LRMDA: variants seen among roughly 807,000 people sequenced by gnomAD.
LRMDA encodes leucine rich melanocyte differentiation associated.
LRMDA carries 18 observed loss-of-function variants against 29.8 expected under a neutral mutation model. The ratio of observed to expected loss-of-function variants is 0.60; its 90% CI spans 0.42 to 0.90. LRMDA has a LOEUF of 0.90. LRMDA is among the 40% of genes least tolerant of loss of function. LRMDA has a pLI of 0.00. For synonymous variants in LRMDA, 125 were observed against 109.4 expected (o/e 1.14, Z -0.89); for missense variants, 273 against 273.9 (o/e 1.00, Z 0.02).
intron 5 of LRMDA, among the ~76,000 whole-genome samples, chr10:76,173,000 T>C (rs1589362986): frequency 6.6e-6 from 1 of 152,082 alleles, no homozygotes; most frequent in East Asian, 1.9e-4. Flanking sequence ...AAATAGCTAT[T>C]ATAACTCTAT....
At chr10:75,470,507 AG>A (rs1466502608) in intron 2 of LRMDA, among the ~76,000 whole-genome samples, 1 of 152,204 alleles carries the variant, frequency 6.6e-6, no homozygotes, top group African/African-American at 2.4e-5. Flanking sequence ...AAGAAAACAA[AG>A]ACCCGTAAAG....
intron 5 of LRMDA, among the ~76,000 whole-genome samples, chr10:76,217,207 T>C (rs1183521396): frequency 6.6e-6 from 1 of 152,206 alleles, no homozygotes; most frequent in East Asian, 1.9e-4. Context: ...AATAATATTT[T>C]TCCATCTTCC....
chr10:76,339,649 AAAGT>A (rs1841012711), intron 6 of LRMDA, among the ~76,000 whole-genome samples: 1 of 152,058 alleles, frequency 6.6e-6, no homozygotes, highest in Non-Finnish European at 1.5e-5. Context: ...CTAGCAGATC[AAAGT>A]AAGAAAAAAT....
intron 2 of LRMDA, among the ~76,000 whole-genome samples, chr10:75,798,734 A>G (rs191094835): frequency 3.4e-4 from 51 of 152,194 alleles, no homozygotes; most frequent in African/African-American, 8.9e-4. Flanking sequence ...ATGTTTTAGA[A>G]GTGTATAGTT....
chr10:75,883,941 G>A (rs1037769761), intron 2 of LRMDA, among the ~76,000 whole-genome samples: 1 of 151,826 alleles, frequency 6.6e-6, no homozygotes, highest in Non-Finnish European at 1.5e-5. Context: ...GCAAAGCCCT[G>A]TCCTCATCAA....
chr10:75,434,200 G>C (rs142358035), intron 1 of LRMDA, among the ~76,000 whole-genome samples: 12 of 152,304 alleles, frequency 7.9e-5, no homozygotes, highest in African/African-American at 2.9e-4. Flanking sequence ...AGAGATATTG[G>C]AATAATGAAT....
intron 2 of LRMDA, among the ~76,000 whole-genome samples, chr10:75,459,991 G>A (rs562395230): frequency 1.1e-4 from 16 of 152,258 alleles, no homozygotes; most frequent in African/African-American, 3.9e-4. Context: ...TGAACTTTGG[G>A]GAACACATTC....
At chr10:76,471,079 T>C (rs1842612925) in intron 6 of LRMDA, among the ~76,000 whole-genome samples, 1 of 151,820 alleles carries the variant, frequency 6.6e-6, no homozygotes, top group Admixed American at 6.6e-5. Context: ...AAACCTGTAT[T>C]GGTGTAAGGA....
chr10:76,206,389 G>A (rs10824384), intron 5 of LRMDA, among the ~76,000 whole-genome samples: 38,271 of 152,032 alleles, frequency 0.25, 5,439 homozygotes, highest in East Asian at 0.6. Context: ...GTAGGATTAG[G>A]TACTGTACCT....
At chr10:75,782,799 TC>T (rs1843406131) in intron 2 of LRMDA, 3 of 1,424,996 alleles carry the variant, frequency 2.1e-6, no homozygotes, top group Non-Finnish European at 2.7e-6. Flanking sequence ...CCCGCAACTT[TC>T]ACTTGTTGAG....
At chr10:76,103,173 A>G (rs1849423949) in intron 5 of LRMDA, among the ~76,000 whole-genome samples, 1 of 152,222 alleles carries the variant, frequency 6.6e-6, no homozygotes, top group Non-Finnish European at 1.5e-5. Context: ...AGTTTCATGT[A>G]GGAACCTTTG....
At chr10:75,565,581 G>A (rs967615867) in intron 2 of LRMDA, among the ~76,000 whole-genome samples, 5 of 150,980 alleles carry the variant, frequency 3.3e-5, no homozygotes, top group Admixed American at 1.3e-4. Flanking sequence ...TGAAGTATGC[G>A]AGAGAACTGC....
chr10:75,574,463 A>G (rs1373553223), intron 2 of LRMDA, among the ~76,000 whole-genome samples: 1 of 152,166 alleles, frequency 6.6e-6, no homozygotes, highest in Non-Finnish European at 1.5e-5. Context: ...CAGTGGAATG[A>G]TCTCATTTCT....
At chr10:76,071,070 C>T (rs1279978080) in intron 5 of LRMDA, among the ~76,000 whole-genome samples, 2 of 152,128 alleles carry the variant, frequency 1.3e-5, no homozygotes, top group Non-Finnish European at 1.5e-5. Flanking sequence ...TAAGCTCTTT[C>T]ATTTGAGTGA....
chr10:75,506,093 A>G (rs536469529), intron 2 of LRMDA, among the ~76,000 whole-genome samples: 3 of 152,340 alleles, frequency 2.0e-5, no homozygotes, highest in Non-Finnish European at 4.4e-5. Flanking sequence ...TCAATGAACC[A>G]TAAGTAGAAC....
chr10:75,480,504 T>C (rs1844841227), intron 2 of LRMDA, among the ~76,000 whole-genome samples: 1 of 152,136 alleles, frequency 6.6e-6, no homozygotes, highest in Non-Finnish European at 1.5e-5. Flanking sequence ...CCAAGTAAGG[T>C]GGCCTTGGGA....
chr10:76,008,227 G>A (rs760522849), intron 2 of LRMDA, among the ~76,000 whole-genome samples: 4 of 152,160 alleles, frequency 2.6e-5, no homozygotes, highest in Non-Finnish European at 4.4e-5. Context: ...TCAGAGTGGG[G>A]CATGGATCAC....
chr10:76,286,118 T>G (rs1840268210), intron 5 of LRMDA, among the ~76,000 whole-genome samples: 1 of 152,184 alleles, frequency 6.6e-6, no homozygotes, highest in South Asian at 2.1e-4. Flanking sequence ...AGAGTCGCTG[T>G]AGCATACATT....
At chr10:75,670,977 G>T (rs896830443) in intron 2 of LRMDA, among the ~76,000 whole-genome samples, 1 of 152,114 alleles carries the variant, frequency 6.6e-6, no homozygotes, top group African/African-American at 2.4e-5. Flanking sequence ...GCTAGAATTT[G>T]ATTCAAAATA....
Sources: allele counts gnomAD v4.1 joint callset (sites outside exome capture counted in the v4.1 genomes callset), GRCh38; gene constraint gnomAD v4.1.1; transcripts MANE v1.5; gene names NCBI Gene and HGNC (gene_info 2026-07-23, HGNC 2026-07-21).